Variants in GNG7 observed in about 807,000 individuals in gnomAD.
GNG7 encodes G protein subunit gamma 7, also known as guanine nucleotide-binding protein G(I)/G(S)/G(O) subunit gamma-7.
Under a neutral mutation model 4.0 loss-of-function variants are expected in GNG7, and 1 was observed. The ratio of observed to expected loss-of-function variants is 0.25; its 90% CI spans 0.09 to 1.18. The LOEUF (loss-of-function observed/expected upper bound fraction) is 1.18, where lower values mean the gene tolerates loss of function less well. Ranked by LOEUF, GNG7 falls within the 50% of genes most tolerant of loss-of-function variation. The pLI, the probability that GNG7 is intolerant of heterozygous loss-of-function variation, is 0.50. For synonymous variants in GNG7, 34 were observed against 36.9 expected (o/e 0.92, Z 0.29); for missense variants, 86 against 91.9 (o/e 0.94, Z 0.26).
intron 2 of GNG7, among the ~76,000 whole-genome samples, chr19:2,575,089 CTTTT>C (rs34248001): frequency 1.4e-5 from 2 of 138,824 alleles, no homozygotes; most frequent in Non-Finnish European, 3.1e-5. Context: ...TTCTTTCTTT[CTTTT>C]TTTTTTTTTT....
chr19:2,538,662 T>C (rs1221574545), intron 3 of GNG7: 1 of 453,398 alleles, frequency 2.2e-6, no homozygotes. Context: ...CATGCATATA[T>C]TTTACTTACA....
rs149672848 is a variant in GNG7, at chr19:2,549,703, G to A, written c.-38+5446C>T. ...GAGAGACACCACTGCAGCTACCACCGCTGCAGCTACCAGGCACCAGCTGAC... is the reference window on the plus strand; with the variant it reads ...GAGAGACACCACTGCAGCTACCACCACTGCAGCTACCAGGCACCAGCTGAC... On this transcript the variant is annotated intron_variant, in intron 3 of 4. Coordinates refer to ENST00000382159, the MANE Select transcript of GNG7 (RefSeq NM_052847.3). Among the ~76,000 whole-genome samples, 108 of 148,614 alleles carry A rather than the reference G, an allele frequency of 7.3e-4. 1 individual carries two copies. In the East Asian group the frequency reaches 0.016, roughly 23 times the overall value.
intron 1 of GNG7, among the ~76,000 whole-genome samples, chr19:2,691,480 G>T (rs917297901): frequency 2.0e-5 from 3 of 152,000 alleles, no homozygotes; most frequent in African/African-American, 7.3e-5. Context: ...GGAGGCGGAG[G>T]TTGCAGTGAA....
chr19:2,641,457 T>G (rs1599436781), intron 2 of GNG7, among the ~76,000 whole-genome samples: 1 of 144,338 alleles, frequency 6.9e-6, no homozygotes, highest in African/African-American at 2.6e-5. Flanking sequence ...GGCAGGAGGG[T>G]GAGAGTCAAA....
intron 2 of GNG7, among the ~76,000 whole-genome samples, chr19:2,607,137 C>T (rs1415671248): frequency 7.3e-5 from 11 of 151,454 alleles, no homozygotes; most frequent in Non-Finnish European, 1.2e-4. Context: ...GGGAGGATCA[C>T]TTGAGCCCAG....
At chr19:2,528,100 G>A (rs987675439) in intron 3 of GNG7, among the ~76,000 whole-genome samples, 70 of 150,402 alleles carry the variant, frequency 4.7e-4, no homozygotes, top group African/African-American at 2.2e-4. Flanking sequence ...AAACCCCCAC[G>A]TCTGCTAAAA....
At chr19:2,691,506 T>C (rs1913134568) in intron 1 of GNG7, among the ~76,000 whole-genome samples, 1 of 150,372 alleles carries the variant, frequency 6.7e-6, no homozygotes, top group African/African-American at 2.5e-5. Flanking sequence ...ATTGCATCAC[T>C]ACACTCCGGC....
chr19:2,568,321 A>G (rs1392943772), intron 2 of GNG7, among the ~76,000 whole-genome samples: 3 of 145,500 alleles, frequency 2.1e-5, no homozygotes, highest in African/African-American at 7.8e-5. Flanking sequence ...ACACGCACAC[A>G]CACATATACA....
chr19:2,539,917 TTC>T lies in GNG7; in HGVS notation c.-38+15230_-38+15231del, dbSNP rs757294651. 2.3e-4 allele frequency among the ~76,000 whole-genome samples: 29 copies of T among 127,840 alleles called. No individual in the cohort carries two copies. The East Asian group carries it at 3.7e-3, about 17-fold the overall frequency. 83.9% of individuals were successfully genotyped at this position (127,840 alleles called of 152,430 possible). On this transcript the variant is annotated intron_variant, in intron 3 of 4. Coordinates refer to ENST00000382159, the MANE Select transcript of GNG7 (RefSeq NM_052847.3). ...CCTTCCTCCTTCCCTCCCTCCCTCT[TTC>T]TCTTTCTTTCTTCTCTCTCCCTCTC...
intron 2 of GNG7, among the ~76,000 whole-genome samples, chr19:2,625,325 G>A (rs558032380): frequency 6.7e-4 from 102 of 152,278 alleles, no homozygotes; most frequent in African/African-American, 2.4e-3. Flanking sequence ...TCTCACTTCA[G>A]CACCCCAAAG....
chr19:2,666,387 G>T (rs1285711387), intron 1 of GNG7, among the ~76,000 whole-genome samples: 1 of 152,076 alleles, frequency 6.6e-6, no homozygotes, highest in Non-Finnish European at 1.5e-5. Flanking sequence ...CGGCCAGGCT[G>T]GTCTTAAACT....
At chr19:2,597,620 A>C (rs1981062542) in intron 2 of GNG7, among the ~76,000 whole-genome samples, 1 of 148,328 alleles carries the variant, frequency 6.7e-6, no homozygotes, top group Admixed American at 6.8e-5. Flanking sequence ...AATAAGGCCG[A>C]GTGTGGTGGC....
intron 3 of GNG7, among the ~76,000 whole-genome samples, chr19:2,539,748 G>A (rs1978883830): frequency 6.6e-6 from 1 of 152,096 alleles, no homozygotes; most frequent in African/African-American, 2.4e-5. Context: ...TGGCCAAAGG[G>A]TTTAGGGAGA....
chr19:2,588,512 G>C (rs371409088), intron 2 of GNG7, among the ~76,000 whole-genome samples: 1 of 152,216 alleles, frequency 6.6e-6, no homozygotes, highest in African/African-American at 2.4e-5. Flanking sequence ...CCGTTCCCCC[G>C]GCTGGGAAAA....
chr19:2,653,836 C>CA lies in GNG7; in HGVS notation c.-134-7557dup, dbSNP rs1415381050. Among the ~76,000 whole-genome samples the CA allele has an allele frequency of 6.6e-6, 1 of 152,220 alleles. No individual in the cohort carries two copies. Among genetic ancestry groups the CA allele is most frequent in the African/African-American group, 2.4e-5 (1 of 41,452 alleles). On this transcript the variant is annotated intron_variant, in intron 1 of 4. Coordinates refer to ENST00000382159, the MANE Select transcript of GNG7 (RefSeq NM_052847.3). The surrounding 1 kb of genome is among the most constrained non-coding windows in gnomAD (Gnocchi z 4.8). ...TCAGCCCTCCTATCCACAGGTGACTCACAGTCCCCTTGGCACCACCCAGGC... is the reference window on the plus strand; with the variant it reads ...TCAGCCCTCCTATCCACAGGTGACTCAACAGTCCCCTTGGCACCACCCAGGC...
chr19:2,622,083 T>C (rs1322877496), intron 2 of GNG7, among the ~76,000 whole-genome samples: 1 of 148,864 alleles, frequency 6.7e-6, no homozygotes, highest in African/African-American at 2.6e-5. Context: ...CTTTTTTTTT[T>C]TTTCTCTCTC....
At chr19:2,588,381 C>T (rs1045142026) in intron 2 of GNG7, among the ~76,000 whole-genome samples, 4 of 152,164 alleles carry the variant, frequency 2.6e-5, no homozygotes, top group Non-Finnish European at 4.4e-5. Flanking sequence ...ACCAGCACGA[C>T]GCGGCTCTCT....
At chr19:2,661,302 G>GAAAGAAAGAAACAAAGAAAGAA in intron 1 of GNG7, among the ~76,000 whole-genome samples, 19 of 73,124 alleles carry the variant, frequency 2.6e-4, no homozygotes, top group African/African-American at 9.7e-4. Flanking sequence ...AAGAAAGAAA[G>GAAAGAAAGAAACAAAGAAAGAA]AGAAAGAAAG....
intron 3 of GNG7, among the ~76,000 whole-genome samples, chr19:2,551,336 G>A (rs62121716): frequency 0.013 from 2,045 of 152,220 alleles, 26 homozygotes; most frequent in Non-Finnish European, 0.019. Context: ...ACGGGCACAT[G>A]CGACCCCTCG....
Sources: gnomAD v4.1 joint callset for allele counts (sites outside exome capture counted in the v4.1 genomes callset) on GRCh38, gnomAD v4.1.1 for gene constraint, Gnocchi (gnomAD v3.1) non-coding constraint, MANE v1.5 for transcripts, NCBI Gene and HGNC (gene_info 2026-07-23, HGNC 2026-07-21) for gene names.